The following PARD3B variants were observed in gnomAD, a reference collection of about 807,000 sequenced individuals.
PARD3B encodes the protein partitioning defective 3 homolog B.
A neutral mutation model predicts 130.2 loss-of-function variants in PARD3B; 103 were observed. The observed-to-expected ratio is 0.79, with a 90% CI of 0.67 to 0.93. The LOEUF is 0.93. Ranked by LOEUF, PARD3B falls within the 40% of genes least tolerant of loss-of-function variation. PARD3B has a pLI of 0.00. For missense variants in PARD3B, 1,609 were observed against 1,499.2 expected, an observed-to-expected ratio of 1.07 and a Z score of -1.21; for synonymous variants, 583 against 553.2, an observed-to-expected ratio of 1.05 and a Z score of -0.76.
intron 4 of PARD3B, among the ~76,000 whole-genome samples, chr2:205,055,531 A>G (rs1050385089): frequency 2.0e-5 from 3 of 152,186 alleles, no homozygotes; most frequent in African/African-American, 7.2e-5. Context: ...AAAGACCAAG[A>G]TCCTGTGTGT....
At chr2:205,561,992 A>G (rs915762612) in intron 22 of PARD3B, among the ~76,000 whole-genome samples, 1 of 152,174 alleles carries the variant, frequency 6.6e-6, no homozygotes, top group Non-Finnish European at 1.5e-5. Flanking sequence ...CTCAGTCTTA[A>G]GGCCAAGGAC....
intron 2 of PARD3B, among the ~76,000 whole-genome samples, chr2:204,698,661 G>T (rs962871618): frequency 1.3e-5 from 2 of 151,786 alleles, no homozygotes; most frequent in Admixed American, 6.6e-5. Context: ...TATGTATTGA[G>T]AGCCAATATT....
chr2:204,979,016 G>C (rs1362572343), intron 3 of PARD3B, among the ~76,000 whole-genome samples: 1 of 151,190 alleles, frequency 6.6e-6, no homozygotes, highest in African/African-American at 2.4e-5. Context: ...TAAAGGAGGT[G>C]GAGTTAGATG....
At chr2:205,560,669 G>A (rs1296247339) in intron 22 of PARD3B, among the ~76,000 whole-genome samples, 4 of 152,172 alleles carry the variant, frequency 2.6e-5, no homozygotes, top group African/African-American at 9.7e-5. Flanking sequence ...GCCTGCTTGG[G>A]CCACGTTCGC....
In PARD3B at chr2:205,280,657, T is replaced by C. The variant is rs1008137461; in HGVS notation, c.2186-19873T>C. 1.3e-5 allele frequency among the ~76,000 whole-genome samples: 2 copies of C among 152,236 alleles called. No individual in the cohort carries two copies. Among genetic ancestry groups the C allele is most frequent in the Non-Finnish European group, 2.9e-5 (2 of 68,038 alleles). On this transcript the variant is annotated intron_variant, in intron 16 of 22. Coordinates refer to ENST00000406610, the MANE Select transcript of PARD3B (RefSeq NM_001302769.2). The surrounding 1 kb of genome is among the most constrained non-coding windows in gnomAD (Gnocchi z 4.7). ...TATTTGTACATTTATAGTAAAGTAA[T>C]CTACAAGTGGTTCCTTGATAAAGTT...
chr2:204,713,319 T>G (rs2038547914), intron 2 of PARD3B, among the ~76,000 whole-genome samples: 1 of 151,658 alleles, frequency 6.6e-6, no homozygotes, highest in Non-Finnish European at 1.5e-5. Flanking sequence ...ATGTTCTTAA[T>G]GCCGCAAAAC....
chr2:204,817,535 G>A (rs185760368), intron 2 of PARD3B, among the ~76,000 whole-genome samples: 45 of 152,112 alleles, frequency 3.0e-4, no homozygotes, highest in African/African-American at 9.2e-4. Context: ...AGCACTCCTC[G>A]GTCTTGTGTG....
At chr2:204,737,993 C>A (rs1169906005) in intron 2 of PARD3B, among the ~76,000 whole-genome samples, 100 of 152,218 alleles carry the variant, frequency 6.6e-4, no homozygotes, top group African/African-American at 2.3e-3. Flanking sequence ...ATTCAAAGTC[C>A]AGTCATGTGA....
At chr2:205,565,505 C>G (rs1166749069) in intron 22 of PARD3B, among the ~76,000 whole-genome samples, 2 of 152,188 alleles carry the variant, frequency 1.3e-5, no homozygotes, top group African/African-American at 4.8e-5. Flanking sequence ...GATGTGGTAT[C>G]TGTAATGTGG....
chr2:205,117,009 G>A (rs1042869550), intron 6 of PARD3B, among the ~76,000 whole-genome samples: 1 of 152,094 alleles, frequency 6.6e-6, no homozygotes, highest in African/African-American at 2.4e-5. Flanking sequence ...CATGACTGAT[G>A]ATGTACTGAA....
chr2:205,210,622 A>G (rs1416240097), intron 15 of PARD3B, among the ~76,000 whole-genome samples: 1 of 152,160 alleles, frequency 6.6e-6, no homozygotes, highest in African/African-American at 2.4e-5. Flanking sequence ...CAGATGATGT[A>G]TTAAAGATAT....
intron 2 of PARD3B, among the ~76,000 whole-genome samples, chr2:204,950,178 G>A (rs1040862304): frequency 1.3e-5 from 2 of 152,064 alleles, no homozygotes; most frequent in African/African-American, 4.8e-5. Context: ...TCACTTACTG[G>A]TCATGTAAAC....
At chr2:205,035,005 C>T (rs185738137) in intron 3 of PARD3B, among the ~76,000 whole-genome samples, 110 of 152,022 alleles carry the variant, frequency 7.2e-4, no homozygotes, top group African/African-American at 2.6e-3. Context: ...TACAGGCATG[C>T]GTGCGCCACC....
rs140386604 is a variant in PARD3B at position 205,157,761 on chromosome 2, A to C, written c.1435-961A>C. Among the ~76,000 whole-genome samples the C allele has an allele frequency of 4.5e-3, 678 of 152,206 alleles. 3 individuals carry two copies. Among genetic ancestry groups the C allele is most frequent in the Middle Eastern group, 6.8e-3 (2 of 294 alleles). ...ATTTCCAGGAGTATCTCATTGTCAG[A>C]TTTTTCAGTTGAACACTGTGGCAGT... On this transcript the variant is annotated intron_variant, in intron 10 of 22. Coordinates refer to ENST00000406610, the MANE Select transcript of PARD3B (RefSeq NM_001302769.2).
At chr2:205,196,553 A>G (rs1395241326) in intron 15 of PARD3B, among the ~76,000 whole-genome samples, 2 of 151,902 alleles carry the variant, frequency 1.3e-5, no homozygotes, top group Non-Finnish European at 2.9e-5. Context: ...TATTTTCATC[A>G]TTTCTTCTTT....
At chr2:204,850,480 G>GTA (rs547638217) in intron 2 of PARD3B, among the ~76,000 whole-genome samples, 112 of 151,418 alleles carry the variant, frequency 7.4e-4, no homozygotes, top group South Asian at 1.9e-3. Context: ...AAAAAAATAT[G>GTA]TATATATATA....
At chr2:204,981,009 T>C (rs556952767) in intron 3 of PARD3B, among the ~76,000 whole-genome samples, 27 of 152,320 alleles carry the variant, frequency 1.8e-4, no homozygotes, top group African/African-American at 6.5e-4. Flanking sequence ...CTTTTTATAC[T>C]ATCTTTGCAA....
chr2:204,947,972 A>C lies in PARD3B; in HGVS notation c.223-17180A>C, dbSNP rs566124319. Reference sequence around the variant, plus strand: ...ATGTAATGTGACCAGATTTTTTCATAATTAAGTATCAGGTCTCTACAGGTG... The same window carrying C: ...ATGTAATGTGACCAGATTTTTTCATCATTAAGTATCAGGTCTCTACAGGTG... On this transcript the variant is annotated intron_variant, in intron 2 of 22. Coordinates refer to ENST00000406610, the MANE Select transcript of PARD3B (RefSeq NM_001302769.2). Among the ~76,000 whole-genome samples the C allele has an allele frequency of 5.8e-4, 89 of 152,324 alleles. No individual in the cohort carries two copies. The South Asian group carries it at 0.018, about 30-fold the overall frequency.
Position 205,458,869 on chromosome 2 carries a change from A to T in PARD3B, c.3044+18197A>T, listed in dbSNP as rs888507093. Among the ~76,000 whole-genome samples the T allele has an allele frequency of 6.6e-5, 10 of 152,176 alleles. No homozygotes were observed. Among genetic ancestry groups the T allele is most frequent in the African/African-American group, 2.2e-4 (9 of 41,444 alleles). On this transcript the variant is annotated intron_variant, in intron 20 of 22. Transcript: ENST00000406610. This position sits in a 1 kb window ranked among gnomAD's most constrained non-coding sequence, Gnocchi z 4.8. ...ATTTAATAATATGTCCCATTAAGGG[A>T]CACATTGCCTTAATGCAGTCTTTGA...
Sources: gnomAD v4.1 joint callset for allele counts (sites outside exome capture counted in the v4.1 genomes callset) on GRCh38, gnomAD v4.1.1 for gene constraint, Gnocchi (gnomAD v3.1) non-coding constraint, MANE v1.5 for transcripts, NCBI Gene and HGNC (gene_info 2026-07-23, HGNC 2026-07-21) for gene names.